The following RHOU variants were observed in gnomAD, a reference collection of about 807,000 sequenced individuals.
The protein encoded by RHOU is ras homolog family member U, also known as rho-related GTP-binding protein RhoU.
A neutral mutation model predicts 12.6 loss-of-function variants in RHOU; 8 were observed. That is an observed-to-expected ratio of 0.64 (90% CI 0.37 to 1.15). The LOEUF (loss-of-function observed/expected upper bound fraction) is 1.15, where lower values mean the gene tolerates loss of function less well. RHOU is among the 50% of genes most tolerant of loss of function. The probability of loss-of-function intolerance (pLI) is 0.01; values close to 1 mark genes in which losing one functional copy is unlikely to be tolerated. For missense variants in RHOU, 258 were observed against 347.0 expected (o/e 0.74, Z 2.04); for synonymous variants, 161 against 147.4 (o/e 1.09, Z -0.67).
chr1:228,731,674 A>G (rs954467208), upstream of RHOU, among the ~76,000 whole-genome samples: 7 of 152,146 alleles, frequency 4.6e-5, no homozygotes, highest in African/African-American at 9.7e-5. Flanking sequence ...TTCATGGAAG[A>G]AGGAGGAAGG....
At chr1:228,650,410 C>T in the RHOU span, 22 of 457,050 alleles carry the variant, frequency 4.8e-5, no homozygotes, top group Admixed American at 2.1e-4. Flanking sequence ...CAGCCCGGGG[C>T]GGCTGTGGGG....
At chr1:228,728,983 C>G in the RHOU span, among the ~76,000 whole-genome samples, 2 of 151,498 alleles carry the variant, frequency 1.3e-5, no homozygotes, top group Non-Finnish European at 2.9e-5. Flanking sequence ...GCAAACTCTG[C>G]CTCCCGGGTT....
upstream of RHOU, among the ~76,000 whole-genome samples, chr1:228,732,586 A>G (rs987710221): frequency 1.3e-5 from 2 of 152,174 alleles, no homozygotes; most frequent in Non-Finnish European, 2.9e-5. Context: ...CCTACAGAAG[A>G]GTCTCATGAA....
chr1:228,741,681 AT>A (rs918168290), intron 2 of RHOU, among the ~76,000 whole-genome samples: 3 of 151,988 alleles, frequency 2.0e-5, no homozygotes, highest in East Asian at 1.9e-4. Flanking sequence ...CTTTTTAAAA[AT>A]TTTTTTTAGA....
chr1:228,730,785 C>T (rs1042263222), upstream of RHOU, among the ~76,000 whole-genome samples: 2 of 152,154 alleles, frequency 1.3e-5, no homozygotes, highest in Non-Finnish European at 2.9e-5. Flanking sequence ...AGTTATATGA[C>T]CTGCTAAAAT....
the RHOU span, among the ~76,000 whole-genome samples, chr1:228,673,878 GA>G: frequency 6.6e-6 from 1 of 152,222 alleles, no homozygotes; most frequent in African/African-American, 2.4e-5. Flanking sequence ...GAGCACATGT[GA>G]ATACATTTCT....
intron 2 of RHOU, among the ~76,000 whole-genome samples, chr1:228,741,294 T>C (rs1202480826): frequency 6.6e-6 from 1 of 152,158 alleles, no homozygotes; most frequent in African/African-American, 2.4e-5. Context: ...ATTGCATTAT[T>C]TCTAAGATTT....
intron 2 of RHOU, among the ~76,000 whole-genome samples, chr1:228,739,304 G>A (rs190012696): frequency 1.7e-4 from 26 of 152,028 alleles, no homozygotes; most frequent in Non-Finnish European, 2.9e-4. Context: ...GGTTGCTCAC[G>A]CCTGTAATCC....
the RHOU span, among the ~76,000 whole-genome samples, chr1:228,646,719 G>A: frequency 6.6e-6 from 1 of 151,462 alleles, no homozygotes; most frequent in African/African-American, 2.4e-5. Context: ...ACCGCCACCA[G>A]GAGCAAATCC....
the RHOU span, among the ~76,000 whole-genome samples, chr1:228,729,798 C>T: frequency 1.3e-5 from 2 of 152,328 alleles, no homozygotes; most frequent in South Asian, 2.1e-4. Context: ...TTGATTTTTA[C>T]ATCTTAAACT....
the RHOU span, among the ~76,000 whole-genome samples, chr1:228,691,098 T>A: frequency 9.4e-5 from 14 of 148,458 alleles, no homozygotes; most frequent in East Asian, 1.9e-4. Flanking sequence ...TTTTTTTTTT[T>A]AAATAGACTT....
the RHOU span, chr1:228,650,618 G>T: frequency 9.0e-6 from 4 of 445,868 alleles, no homozygotes; most frequent in Non-Finnish European, 1.8e-5. Context: ...CTCAAAGGGG[G>T]ATATGAGACC....
chr1:228,688,109 G>T, the RHOU span, among the ~76,000 whole-genome samples: 1 of 152,042 alleles, frequency 6.6e-6, no homozygotes, highest in Admixed American at 6.6e-5. Context: ...TCACGGATGG[G>T]TCCCAGGTGT....
At chr1:228,708,456 T>C in the RHOU span, among the ~76,000 whole-genome samples, 1 of 151,106 alleles carries the variant, frequency 6.6e-6, no homozygotes, top group Admixed American at 6.6e-5. Flanking sequence ...TAACAGCAGA[T>C]CTCTCGGCAG....
the RHOU span, among the ~76,000 whole-genome samples, chr1:228,658,591 C>T: frequency 6.6e-6 from 1 of 152,144 alleles, no homozygotes; most frequent in South Asian, 2.1e-4. Flanking sequence ...AATAAATTAT[C>T]CAATCTCAGG....
chr1:228,705,988 T>A, the RHOU span, among the ~76,000 whole-genome samples: 14,672 of 152,112 alleles, frequency 0.096, 775 homozygotes, highest in Middle Eastern at 0.22. Context: ...GAGGTTGCAG[T>A]GAGTCGAGAT....
At chr1:228,709,131 C>G in the RHOU span, among the ~76,000 whole-genome samples, 2 of 152,044 alleles carry the variant, frequency 1.3e-5, no homozygotes, top group African/African-American at 4.8e-5. Flanking sequence ...TATATGCACC[C>G]AATACAGGAG....
the RHOU span, among the ~76,000 whole-genome samples, chr1:228,674,733 AT>A: frequency 7.5e-3 from 1,111 of 148,244 alleles, 11 homozygotes; most frequent in African/African-American, 0.025. Context: ...TTTTTTTTAA[AT>A]TTTTTTTTAT....
the RHOU span, among the ~76,000 whole-genome samples, chr1:228,665,216 G>A: frequency 2.6e-5 from 4 of 152,204 alleles, no homozygotes; most frequent in Non-Finnish European, 4.4e-5. Context: ...CATGGTCTAA[G>A]CACTTCACAT....
Sources: gnomAD v4.1 joint callset for allele counts (sites outside exome capture counted in the v4.1 genomes callset) on GRCh38, gnomAD v4.1.1 for gene constraint, MANE v1.5 for transcripts, NCBI Gene and HGNC (gene_info 2026-07-23, HGNC 2026-07-21) for gene names.